HS6ST3: variants seen among roughly 807,000 people sequenced by gnomAD.
HS6ST3 encodes heparan sulfate 6-O-sulfotransferase 3, also known as heparan-sulfate 6-O-sulfotransferase 3.
HS6ST3 carries 12 observed loss-of-function variants against 36.7 expected under a neutral mutation model. The observed-to-expected ratio is 0.33, with a 90% CI of 0.21 to 0.53. HS6ST3 has a LOEUF of 0.53. HS6ST3 is among the 20% of genes least tolerant of loss of function. The probability of loss-of-function intolerance (pLI) is 0.95; values close to 1 mark genes in which losing one functional copy is unlikely to be tolerated. For missense variants in HS6ST3, 584 were observed against 640.9 expected (o/e 0.91, Z 0.96); for synonymous variants, 240 against 257.5 (o/e 0.93, Z 0.65).
At chr13:96,541,067 C>T (rs1156669037) in intron 1 of HS6ST3, among the ~76,000 whole-genome samples, 3 of 152,176 alleles carry the variant, frequency 2.0e-5, no homozygotes, top group African/African-American at 7.2e-5. Context: ...CAGTCTCACT[C>T]TCTCTCCCAG....
In HS6ST3 at chr13:96,392,501, C is replaced by G. The variant is rs147480842; in HGVS notation, c.707+300932C>G. Among the ~76,000 whole-genome samples, 69 of 152,220 alleles carry G rather than the reference C, an allele frequency of 4.5e-4. 1 individual carries two copies. The highest frequency in any genetic ancestry group is 1.5e-3 in the African/African-American group (63 of 41,514). On this transcript the variant is annotated intron_variant, in intron 1 of 1. Transcript: ENST00000376705. Reference sequence around the variant, plus strand: ...CCATGAGCACTTGGAACAAAGACAGCTGACCCAGAGCGTTGGTTTGAAGGA... The same window carrying G: ...CCATGAGCACTTGGAACAAAGACAGGTGACCCAGAGCGTTGGTTTGAAGGA...
At chr13:96,645,793 A>T (rs534198473) in intron 1 of HS6ST3, among the ~76,000 whole-genome samples, 1 of 151,876 alleles carries the variant, frequency 6.6e-6, no homozygotes, top group Non-Finnish European at 1.5e-5. Flanking sequence ...TCTGTTTATC[A>T]GCTTAAAGGG....
At chr13:96,311,018 A>G (rs1830005141) in intron 1 of HS6ST3, among the ~76,000 whole-genome samples, 2 of 152,138 alleles carry the variant, frequency 1.3e-5, no homozygotes, top group Non-Finnish European at 2.9e-5. Context: ...GTTCAAAAAT[A>G]TTTTTACCTC....
At chr13:96,357,587 AG>A (rs1406253246) in intron 1 of HS6ST3, among the ~76,000 whole-genome samples, 1 of 152,128 alleles carries the variant, frequency 6.6e-6, no homozygotes, top group Non-Finnish European at 1.5e-5. Flanking sequence ...TATTTAAGAC[AG>A]GTCTTGCTCT....
intron 1 of HS6ST3, among the ~76,000 whole-genome samples, chr13:96,714,512 A>C (rs1357300137): frequency 6.6e-6 from 1 of 152,148 alleles, no homozygotes; most frequent in African/African-American, 2.4e-5. Context: ...GAAAGATTTG[A>C]AGCAAGAGGA....
intron 1 of HS6ST3, among the ~76,000 whole-genome samples, chr13:96,172,011 C>T (rs182749412): frequency 2.6e-4 from 40 of 152,140 alleles, no homozygotes; most frequent in East Asian, 2.5e-3. Flanking sequence ...TTTTTGAGCC[C>T]TGCACAACTT....
intron 1 of HS6ST3, among the ~76,000 whole-genome samples, chr13:96,138,037 A>G (rs1439341250): frequency 6.6e-6 from 1 of 152,164 alleles, no homozygotes; most frequent in Non-Finnish European, 1.5e-5. Context: ...AGTTTACCTA[A>G]TTTTGCCCCC....
At chr13:96,357,660 C>T (rs1045283778) in intron 1 of HS6ST3, among the ~76,000 whole-genome samples, 1 of 151,954 alleles carries the variant, frequency 6.6e-6, no homozygotes, top group African/African-American at 2.4e-5. Context: ...ACTTCTGGCC[C>T]CAAGTGATCC....
intron 1 of HS6ST3, among the ~76,000 whole-genome samples, chr13:96,592,289 C>A (rs887153440): frequency 6.6e-6 from 1 of 152,108 alleles, no homozygotes; most frequent in Non-Finnish European, 1.5e-5. Flanking sequence ...CTAACAAAAT[C>A]TCTATACCTT....
At chr13:96,133,810 AT>A (rs1306052659) in intron 1 of HS6ST3, among the ~76,000 whole-genome samples, 2 of 150,068 alleles carry the variant, frequency 1.3e-5, no homozygotes, top group Non-Finnish European at 3.0e-5. Flanking sequence ...GACAAAAAAA[AT>A]CATTGTCCAG....
At chr13:96,350,019 C>A (rs2055174322) in intron 1 of HS6ST3, among the ~76,000 whole-genome samples, 1 of 152,108 alleles carries the variant, frequency 6.6e-6, no homozygotes, top group South Asian at 2.1e-4. Flanking sequence ...TTCTGAAGGG[C>A]ATAGCTGGGT....
intron 1 of HS6ST3, among the ~76,000 whole-genome samples, chr13:96,300,442 G>A (rs570030046): frequency 6.6e-6 from 1 of 152,074 alleles, no homozygotes; most frequent in Non-Finnish European, 1.5e-5. Context: ...CTATGATCCA[G>A]TCGCCTCCCA....
intron 1 of HS6ST3, among the ~76,000 whole-genome samples, chr13:96,712,766 G>A (rs771427276): frequency 1.3e-5 from 2 of 151,932 alleles, no homozygotes; most frequent in African/African-American, 4.8e-5. Context: ...TCTGGTCTAC[G>A]GCTCCCTCCC....
chr13:96,334,148 G>A, intron 1 of HS6ST3, among the ~76,000 whole-genome samples: 1 of 152,154 alleles, frequency 6.6e-6, no homozygotes, highest in African/African-American at 2.4e-5. Flanking sequence ...ACTGGGTAAA[G>A]GCTGCTTACA....
chr13:96,195,262 C>T (rs1441423816), intron 1 of HS6ST3, among the ~76,000 whole-genome samples: 1 of 152,120 alleles, frequency 6.6e-6, no homozygotes, highest in Non-Finnish European at 1.5e-5. Context: ...TGTTTTTTTG[C>T]AGACTTCCCT....
intron 1 of HS6ST3, among the ~76,000 whole-genome samples, chr13:96,724,159 A>G (rs1250682913): frequency 6.6e-6 from 1 of 152,242 alleles, no homozygotes; most frequent in Non-Finnish European, 1.5e-5. Flanking sequence ...TGCACATTAT[A>G]TTAACATTTA....
chr13:96,738,630 G>A (rs1876349627), intron 1 of HS6ST3, among the ~76,000 whole-genome samples: 2 of 129,182 alleles, frequency 1.5e-5, no homozygotes, highest in African/African-American at 5.6e-5. Context: ...GCTGTGTCTT[G>A]TGGTCATTGA....
At chr13:96,104,834 C>T (rs1373151348) in intron 1 of HS6ST3, among the ~76,000 whole-genome samples, 2 of 152,084 alleles carry the variant, frequency 1.3e-5, no homozygotes, top group Non-Finnish European at 2.9e-5. Flanking sequence ...CTTTGTGGCC[C>T]GGTGTGGTGT....
intron 1 of HS6ST3, among the ~76,000 whole-genome samples, chr13:96,648,215 C>T (rs2056595358): frequency 6.6e-6 from 1 of 152,030 alleles, no homozygotes; most frequent in Non-Finnish European, 1.5e-5. Flanking sequence ...CAGCACAACA[C>T]AAGCTGTCAC....
Sources: gnomAD v4.1 joint callset for allele counts (sites outside exome capture counted in the v4.1 genomes callset) on GRCh38, gnomAD v4.1.1 for gene constraint, MANE v1.5 for transcripts, NCBI Gene and HGNC (gene_info 2026-07-23, HGNC 2026-07-21) for gene names.